The following CSF1R variants were observed in gnomAD, a reference collection of about 807,000 sequenced individuals.
The protein encoded by CSF1R is colony stimulating factor 1 receptor.
In CSF1R, 40 loss-of-function variants were observed where a neutral mutation model predicts 110.0. That is an observed-to-expected ratio of 0.36 (90% CI 0.28 to 0.47). CSF1R has a LOEUF of 0.47. Among genes scored for constraint, CSF1R ranks in the 20% least tolerant of loss-of-function variants. CSF1R has a pLI of 0.99. For missense variants in CSF1R, 1,052 were observed against 1,253.0 expected (o/e 0.84, Z 2.42); for synonymous variants, 523 against 503.4 (o/e 1.04, Z -0.52).
chr5:150,085,211 G>GACA (rs1758781519), intron 1 of CSF1R, among the ~76,000 whole-genome samples: 2 of 147,334 alleles, frequency 1.4e-5, no homozygotes, highest in African/African-American at 2.5e-5. Context: ...GGGAGGTGGA[G>GACA]GTTGCAGTGA....
At chr5:150,101,676 T>C (rs1188968434) in intron 1 of CSF1R, among the ~76,000 whole-genome samples, 1 of 143,364 alleles carries the variant, frequency 7.0e-6, no homozygotes, top group Non-Finnish European at 1.5e-5. Context: ...TTTTTTTTTT[T>C]AATACTAGTG....
intron 12 of CSF1R, among the ~76,000 whole-genome samples, 184 bp downstream of exon 12, chr5:150,061,307 T>C (rs555329452): frequency 6.6e-6 from 1 of 152,200 alleles, no homozygotes; most frequent in East Asian, 1.9e-4. Flanking sequence ...ACCTAGACCT[T>C]CTTGGAGCCG....
upstream of CSF1R, among the ~76,000 whole-genome samples, chr5:150,089,140 G>A (rs537680457): frequency 2.0e-5 from 3 of 152,298 alleles, no homozygotes; most frequent in South Asian, 6.2e-4. Context: ...CTGAGAGCTG[G>A]TCCCTTTACA....
chr5:150,054,469 T>C lies in CSF1R; in HGVS notation c.2655-39A>G. On this transcript the variant is annotated intron_variant, in intron 19 of 20. Transcript: ENST00000675795. ...CAGAGGATGCCCATGGGCAGCTCCC[T>C]AGGGTCCAGGGGCCATTAACACACA... 1.9e-6 allele frequency: 3 copies of C among 1,561,472 alleles called. No individual in the cohort carries two copies. In the South Asian group the frequency reaches 3.5e-5, roughly 18 times the overall value.
chr5:150,067,822 T>C (rs1174390461), intron 10 of CSF1R, among the ~76,000 whole-genome samples: 2 of 152,178 alleles, frequency 1.3e-5, no homozygotes, highest in Non-Finnish European at 2.9e-5. Flanking sequence ...CCTCATAGCC[T>C]CTCACTCTAT....
In CSF1R at chr5:150,054,376, G is replaced by A. The variant is rs41287094; in HGVS notation, c.2709C>T (p.Phe903=). The A allele has an allele frequency of 9.1e-3, 14,674 of 1,614,082 alleles. 98 individuals are homozygous for A. Among genetic ancestry groups the A allele is most frequent in the Non-Finnish European group, 0.011 (12,413 of 1,180,002 alleles). The stretch of plus-strand genomic sequence containing the variant: ...CCTGAAGGAAGGAGCAGATCTGCTG[G>A]AAGGTGGGTCTGTGGGTGGGCTCCA... The part of the protein sequence containing the change: ...WALEPTHRPT[F]QQICSFLQEQ... The change falls in exon 20 of 21, where the codon TTC becomes TTT. Residue 903 remains phenylalanine, a synonymous_variant. Transcript: ENST00000675795.
chr5:150,074,104 G>A (rs565088125), intron 5 of CSF1R, among the ~76,000 whole-genome samples: 8 of 152,122 alleles, frequency 5.3e-5, no homozygotes, highest in Non-Finnish European at 1.0e-4. Context: ...GCGGATAGTC[G>A]GAGTCCTACA....
Position 150,069,939 on chromosome 5 carries a change from T to C in CSF1R, c.1444A>G (p.Thr482Ala). 1.2e-6 allele frequency: 2 copies of C among 1,613,906 alleles called. No individual in the cohort carries two copies. The highest frequency in any genetic ancestry group is 8.5e-7 in the Non-Finnish European group (1 of 1,179,938). ...LTVETLEHNQTYECRAHNSVG... is the reference protein window; with the variant it reads ...LTVETLEHNQAYECRAHNSVG... ...CTGTTGTGGGCCCTGCACTCGTAGG[T>C]TTGGTTGTGCTCTAAGGTCTCAACA... Residue 482 changes from threonine to alanine, a missense_variant, in exon 9 of 21, where the codon ACC becomes GCC. Transcript: ENST00000675795.
At chr5:150,076,668 C>T (rs1758280801) in intron 5 of CSF1R, among the ~76,000 whole-genome samples, 1 of 152,196 alleles carries the variant, frequency 6.6e-6, no homozygotes, top group Admixed American at 6.5e-5. Flanking sequence ...CCCCTGTGGC[C>T]ACTCCTCACA....
rs1758477235 is a variant in CSF1R at position 150,080,307 on chromosome 5, G to C, written c.337C>G (p.Gln113Glu). Residue 113 changes from glutamine (Q) to glutamate (E), a missense_variant, in exon 3 of 21, where the codon CAG (glutamine) becomes GAG (glutamate). Physicochemically the swap from Gln to Glu is conservative, Grantham distance 29 (BLOSUM62 2). Coordinates refer to ENST00000675795, the MANE Select transcript of CSF1R (RefSeq NM_001288705.3). ...TGGTCCTCGAACACGACCACCTCCT[G>C]TGCTAGCACGTTCCAGGGCCGGGCA... The part of the protein sequence containing the change: ...DPARPWNVLA[Q>E]EVVVFEDQDA... The C allele has an allele frequency of 6.2e-7, 1 of 1,613,716 alleles. No homozygotes were observed. Among genetic ancestry groups the C allele is most frequent in the Non-Finnish European group, 8.5e-7 (1 of 1,179,990 alleles).
chr5:150,056,797 A>G (rs188619484), intron 16 of CSF1R, among the ~76,000 whole-genome samples: 1 of 152,304 alleles, frequency 6.6e-6, no homozygotes, highest in East Asian at 1.9e-4. Context: ...GAATTTAAAT[A>G]GTTGCTTAAA....
intron 5 of CSF1R, 172 bp downstream of exon 5, chr5:150,077,104 G>A: frequency 1.3e-6 from 1 of 785,006 alleles, no homozygotes. Flanking sequence ...CCAGGAGAGG[G>A]TAAGGGAAAG....
intron 1 of CSF1R, among the ~76,000 whole-genome samples, chr5:150,099,316 C>T (rs2113861162): frequency 6.6e-6 from 1 of 152,140 alleles, no homozygotes; most frequent in South Asian, 2.1e-4. Context: ...AAAAAGGAAA[C>T]TTTTACCATA....
chr5:150,088,529 T>TTC (rs1367538084), upstream of CSF1R, among the ~76,000 whole-genome samples: 10 of 151,930 alleles, frequency 6.6e-5, no homozygotes, highest in African/African-American at 2.2e-4. Flanking sequence ...CTTTTTTTTT[T>TTC]TTTCTTTCTT....
intron 2 of CSF1R, 87 bp downstream of exon 2, chr5:150,080,680 C>G (rs1316800135): frequency 9.8e-6 from 15 of 1,528,922 alleles, no homozygotes; most frequent in African/African-American, 1.4e-5. Flanking sequence ...AAATGCAGAG[C>G]TGAATTGTTA....
intron 1 of CSF1R, among the ~76,000 whole-genome samples, chr5:150,112,965 G>A (rs1409086701): frequency 2.0e-5 from 3 of 152,220 alleles, no homozygotes; most frequent in African/African-American, 7.2e-5. Context: ...GACACACAGT[G>A]ATGGATCTGA....
chr5:150,065,223 G>A (rs1281432682), intron 10 of CSF1R, among the ~76,000 whole-genome samples: 1 of 151,290 alleles, frequency 6.6e-6, no homozygotes, highest in African/African-American at 2.4e-5. Flanking sequence ...GCTGGTTCTG[G>A]GTGAGTGGAT....
At chr5:150,059,181 A>C (rs1455039764) in intron 14 of CSF1R, among the ~76,000 whole-genome samples, 1 of 152,090 alleles carries the variant, frequency 6.6e-6, no homozygotes, top group South Asian at 2.1e-4. Flanking sequence ...AGTAGCTGGG[A>C]TTATAGGCAT....
intron 1 of CSF1R, among the ~76,000 whole-genome samples, chr5:150,085,256 CAG>C (rs1256695359): frequency 8.0e-6 from 1 of 125,062 alleles, no homozygotes; most frequent in Admixed American, 8.6e-5. Flanking sequence ...AGCCTGGTGA[CAG>C]AGAGAGACTC....
Sources: allele counts gnomAD v4.1 joint callset (sites outside exome capture counted in the v4.1 genomes callset), GRCh38; gene constraint gnomAD v4.1.1; transcripts MANE v1.5; gene names NCBI Gene and HGNC (gene_info 2026-07-23, HGNC 2026-07-21).